ZNF717: variants seen among roughly 807,000 people sequenced by gnomAD.
ZNF717 encodes the protein krueppel-like factor X17.
ZNF717 carries 9 observed loss-of-function variants against 13.8 expected under a neutral mutation model. That is an observed-to-expected ratio of 0.65 (90% CI 0.39 to 1.14). ZNF717 has a LOEUF of 1.14. Among genes scored for constraint, ZNF717 ranks in the 50% most tolerant of loss-of-function variants. ZNF717 has a pLI of 0.01. For missense variants in ZNF717, 1,040 were observed against 1,080.7 expected (o/e 0.96, Z 0.53); for synonymous variants, 327 against 364.1 (o/e 0.90, Z 1.16).
intron 2 of ZNF717, among the ~76,000 whole-genome samples, chr3:75,777,550 C>A (rs1944422447): frequency 6.6e-6 from 1 of 151,186 alleles, no homozygotes; most frequent in African/African-American, 2.4e-5. Context: ...TGGGCTAAAA[C>A]CTGAACCCAA....
chr3:75,772,197 G>A (rs528850619), intron 2 of ZNF717, among the ~76,000 whole-genome samples: 146 of 149,550 alleles, frequency 9.8e-4, no homozygotes, highest in Non-Finnish European at 1.5e-3. Context: ...CTGCAGAAAG[G>A]AGCTACCCCC....
At chr3:75,757,285 G>A (rs1026659544) in intron 2 of ZNF717, among the ~76,000 whole-genome samples, 2 of 152,206 alleles carry the variant, frequency 1.3e-5, no homozygotes, top group Non-Finnish European at 2.9e-5. Context: ...ATGACATGCT[G>A]ACTCTTTTGT....
chr3:75,733,665 G>C (rs80122327), downstream of ZNF717, among the ~76,000 whole-genome samples: 2 of 150,290 alleles, frequency 1.3e-5, no homozygotes, highest in Non-Finnish European at 1.5e-5. Flanking sequence ...CATAGTCCTA[G>C]CTACTCGGGA....
At chr3:75,707,009 A>C (rs1937815813), downstream of ZNF717, among the ~76,000 whole-genome samples, 1 of 152,312 alleles carries the variant, frequency 6.6e-6, no homozygotes, top group Non-Finnish European at 1.5e-5. Context: ...GGTCAACTTC[A>C]CAGATCATAA....
chr3:75,773,749 A>G (rs1344347937), intron 2 of ZNF717, among the ~76,000 whole-genome samples: 2 of 152,168 alleles, frequency 1.3e-5, no homozygotes, highest in South Asian at 2.1e-4. Flanking sequence ...GCAAGACGCT[A>G]TCTTTAACAA....
chr3:75,711,739 G>A (rs1169729274), intron 5 of ZNF717, among the ~76,000 whole-genome samples: 1 of 152,208 alleles, frequency 6.6e-6, no homozygotes, highest in Non-Finnish European at 1.5e-5. Context: ...GCAACAGAGT[G>A]AGACCCTGTC....
intron 2 of ZNF717, among the ~76,000 whole-genome samples, chr3:75,780,028 T>G (rs1201563615): frequency 2.0e-5 from 3 of 147,618 alleles, no homozygotes; most frequent in Admixed American, 6.8e-5. Flanking sequence ...GGGAGAGACG[T>G]GCTAAACCAG....
intron 2 of ZNF717, among the ~76,000 whole-genome samples, chr3:75,781,051 G>A (rs979466137): frequency 6.6e-6 from 1 of 152,264 alleles, no homozygotes; most frequent in Non-Finnish European, 1.5e-5. Flanking sequence ...TCAAAATTGA[G>A]AAAATAACCA....
At chr3:75,751,503 T>A (rs1575835205) in intron 2 of ZNF717, among the ~76,000 whole-genome samples, 1 of 151,216 alleles carries the variant, frequency 6.6e-6, no homozygotes, top group Non-Finnish European at 1.5e-5. Flanking sequence ...GGGGTCTGAA[T>A]GTATGTCCCT....
chr3:75,741,977 A>C (rs1940524253), intron 2 of ZNF717: 5 of 507,722 alleles, frequency 9.8e-6, no homozygotes, highest in Admixed American at 7.7e-5. Context: ...TATGTATTTT[A>C]CATAAGATGT....
At chr3:75,769,217 CAGCT>C (rs1216282545) in intron 2 of ZNF717, among the ~76,000 whole-genome samples, 5 of 152,146 alleles carry the variant, frequency 3.3e-5, no homozygotes, top group Admixed American at 1.3e-4. Context: ...AGAGGCCTTA[CAGCT>C]TCTGCCTGGG....
chr3:75,743,813 T>C (rs1251375301), intron 2 of ZNF717, among the ~76,000 whole-genome samples: 1 of 152,254 alleles, frequency 6.6e-6, no homozygotes, highest in Admixed American at 6.5e-5. Flanking sequence ...ACTGGTGTTG[T>C]GAAGTGAAAT....
At chr3:75,780,096 G>C (rs111594292) in intron 2 of ZNF717, among the ~76,000 whole-genome samples, 3 of 149,418 alleles carry the variant, frequency 2.0e-5, no homozygotes, top group South Asian at 2.1e-4. Context: ...TGGGAGTGAC[G>C]TGCTAAGCCA....
intron 6 of ZNF717, among the ~76,000 whole-genome samples, chr3:75,695,326 T>A (rs1283730963): frequency 1.3e-5 from 2 of 152,398 alleles, no homozygotes; most frequent in African/African-American, 2.4e-5. Flanking sequence ...AGCACCTAGA[T>A]AAATAAACCA....
chr3:75,746,987 ATGGT>A (rs1170571511), intron 2 of ZNF717, among the ~76,000 whole-genome samples: 1 of 152,092 alleles, frequency 6.6e-6, no homozygotes, highest in Non-Finnish European at 1.5e-5. Context: ...TAGGGTTTTT[ATGGT>A]TTTAGGTCTA....
At chr3:75,756,670 CT>C (rs112007810) in intron 2 of ZNF717, among the ~76,000 whole-genome samples, 289 of 148,960 alleles carry the variant, frequency 1.9e-3, no homozygotes, top group African/African-American at 6.0e-3. Flanking sequence ...TCTCCTTTTT[CT>C]TTTTTTTTTT....
At chr3:75,781,902 TGTCG>T (rs1944850347) in intron 2 of ZNF717, among the ~76,000 whole-genome samples, 2 of 152,196 alleles carry the variant, frequency 1.3e-5, no homozygotes, top group African/African-American at 4.8e-5. Flanking sequence ...TGTAACCATC[TGTCG>T]TTTTAACTTT....
intron 2 of ZNF717, among the ~76,000 whole-genome samples, chr3:75,757,833 G>A (rs760521928): frequency 6.6e-6 from 1 of 151,866 alleles, no homozygotes; most frequent in Non-Finnish European, 1.5e-5. Context: ...GAGAAGTTGG[G>A]GCCGGGCATG....
intron 5 of ZNF717, among the ~76,000 whole-genome samples, chr3:75,712,632 A>C (rs62247312): frequency 6.7e-6 from 1 of 149,800 alleles, no homozygotes; most frequent in East Asian, 2.0e-4. Flanking sequence ...AAATAACTAG[A>C]CATTTTAGTT....
Sources: gnomAD v4.1 joint callset for allele counts (sites outside exome capture counted in the v4.1 genomes callset) on GRCh38, gnomAD v4.1.1 for gene constraint, MANE v1.5 for transcripts, NCBI Gene and HGNC (gene_info 2026-07-23, HGNC 2026-07-21) for gene names.